LYPD6B: variants seen among roughly 807,000 people sequenced by gnomAD.
The protein encoded by LYPD6B is ly6/PLAUR domain-containing protein 6B.
A neutral mutation model predicts 22.8 loss-of-function variants in LYPD6B; 17 were observed. The ratio of observed to expected loss-of-function variants is 0.75; its 90% CI spans 0.51 to 1.12. LYPD6B has a LOEUF of 1.12. Ranked by LOEUF, LYPD6B falls within the 50% of genes most tolerant of loss-of-function variation. LYPD6B has a pLI of 0.00. For synonymous variants in LYPD6B, 106 were observed against 91.6 expected (o/e 1.16, Z -0.90); for missense variants, 221 against 258.3 (o/e 0.86, Z 0.99).
intron 1 of LYPD6B, among the ~76,000 whole-genome samples, chr2:149,093,516 G>A (rs1015233646): frequency 2.6e-5 from 4 of 152,134 alleles, no homozygotes; most frequent in Non-Finnish European, 4.4e-5. Context: ...TGATTTTTAC[G>A]TTTCTCTAAG....
At chr2:149,166,469 G>A (rs1021026429) in intron 3 of LYPD6B, among the ~76,000 whole-genome samples, 2 of 152,058 alleles carry the variant, frequency 1.3e-5, no homozygotes, top group African/African-American at 4.8e-5. Context: ...GAGGGGCATG[G>A]CACATTTAGG....
chr2:149,139,543 T>C (rs1365234236), intron 2 of LYPD6B, among the ~76,000 whole-genome samples: 2 of 152,200 alleles, frequency 1.3e-5, no homozygotes, highest in Non-Finnish European at 2.9e-5. Flanking sequence ...TGACAGATGC[T>C]AGCAAGGCAA....
chr2:149,156,852 A>G (rs1453283359), intron 2 of LYPD6B, among the ~76,000 whole-genome samples: 3 of 152,208 alleles, frequency 2.0e-5, no homozygotes, highest in Non-Finnish European at 4.4e-5. Context: ...GTTCAATTTC[A>G]TAACTGATAA....
chr2:149,161,924 A>G (rs1166329011), intron 3 of LYPD6B, among the ~76,000 whole-genome samples: 1 of 152,182 alleles, frequency 6.6e-6, no homozygotes, highest in Non-Finnish European at 1.5e-5. Flanking sequence ...AATAAGGCCC[A>G]AGACAACAAG....
chr2:149,058,403 A>G (rs893932236), intron 1 of LYPD6B, among the ~76,000 whole-genome samples: 11 of 152,230 alleles, frequency 7.2e-5, no homozygotes, highest in African/African-American at 2.7e-4. Flanking sequence ...TCAGTTGTCT[A>G]TAACTCTGCA....
chr2:149,208,007 A>G (rs1462848384), intron 4 of LYPD6B, among the ~76,000 whole-genome samples: 1 of 152,080 alleles, frequency 6.6e-6, no homozygotes, highest in Admixed American at 6.6e-5. Flanking sequence ...CTACCCCCTC[A>G]ACCCCTACTT....
chr2:149,141,863 T>C (rs2105773582), intron 2 of LYPD6B, among the ~76,000 whole-genome samples: 1 of 152,364 alleles, frequency 6.6e-6, no homozygotes, highest in African/African-American at 2.4e-5. Context: ...TTTCTTCTCC[T>C]CTTTCAAGCT....
chr2:149,047,198 G>C (rs1328183013), intron 1 of LYPD6B, among the ~76,000 whole-genome samples: 1 of 141,638 alleles, frequency 7.1e-6, no homozygotes, highest in South Asian at 2.2e-4. Flanking sequence ...GCAACGCCTG[G>C]ATAACTTAAT....
chr2:149,127,531 G>A (rs1687772232), intron 1 of LYPD6B, among the ~76,000 whole-genome samples: 1 of 152,162 alleles, frequency 6.6e-6, no homozygotes, highest in Non-Finnish European at 1.5e-5. Context: ...GGGCTACCCT[G>A]ACTTCTGTGT....
chr2:149,049,871 G>A lies in LYPD6B; in HGVS notation c.-67+11070G>A, dbSNP rs1338361629. Among the ~76,000 whole-genome samples, 3 of 152,154 alleles carry A rather than the reference G, an allele frequency of 2.0e-5. No individual in the cohort carries two copies. In the East Asian group the frequency reaches 5.8e-4, roughly 29 times the overall value. ...TATTTGGGGATGGGGAGGATTCAGAGGGAGGAAAAAGCTATGTTAGCAGTC... is the reference window on the plus strand; with the variant it reads ...TATTTGGGGATGGGGAGGATTCAGAAGGAGGAAAAAGCTATGTTAGCAGTC... On this transcript the variant is annotated intron_variant, in intron 1 of 6. Transcript: ENST00000409642.
At chr2:149,120,672 G>A (rs544138110) in intron 1 of LYPD6B, among the ~76,000 whole-genome samples, 25 of 150,304 alleles carry the variant, frequency 1.7e-4, no homozygotes, top group African/African-American at 5.9e-4. Context: ...CATGAGTCAC[G>A]GCGCCTGGCT....
intron 1 of LYPD6B, among the ~76,000 whole-genome samples, chr2:149,122,399 T>A (rs1006645318): frequency 7.3e-5 from 11 of 150,470 alleles, no homozygotes; most frequent in Middle Eastern, 3.4e-3. Flanking sequence ...TTCTTTTTTT[T>A]AAAAATTATT....
intron 1 of LYPD6B, among the ~76,000 whole-genome samples, chr2:149,041,098 C>CAAAAAAAA (rs552623435): frequency 1.8e-5 from 2 of 110,780 alleles, no homozygotes; most frequent in African/African-American, 3.8e-5. Context: ...GACTCCGTCT[C>CAAAAAAAA]AAAAAAAAAA....
intron 3 of LYPD6B, among the ~76,000 whole-genome samples, chr2:149,171,838 A>C (rs1025968140): frequency 6.6e-5 from 10 of 152,086 alleles, no homozygotes; most frequent in African/African-American, 2.2e-4. Context: ...TACAATAAAA[A>C]CCAATGATCT....
Position 149,098,643 on chromosome 2 carries a change from A to AAAAAAAAAAAGAAAG in LYPD6B, c.-66-32234_-66-32233insAAAAGAAAGAAAAAA, listed in dbSNP as rs57783804. On this transcript the variant is annotated intron_variant, in intron 1 of 6. Transcript: ENST00000409642. ...ACTCTGTCTCAAAAAAAAAAAAAAA[A>AAAAAAAAAAAGAAAG]AAAAAAGAAAAAAATGGCTTTGGTT... Among the ~76,000 whole-genome samples the AAAAAAAAAAAGAAAG allele has an allele frequency of 4.8e-3, 627 of 130,822 alleles. 33 individuals carry two copies. The highest frequency in any genetic ancestry group is 7.2e-3 in the Middle Eastern group (2 of 278). The allele number at this position is 130,822 out of a possible 152,430, so 85.8% of individuals were successfully genotyped here.
At chr2:149,074,268 G>GCACACA (rs60123351) in intron 1 of LYPD6B, among the ~76,000 whole-genome samples, 3,398 of 150,520 alleles carry the variant, frequency 0.023, 70 homozygotes, top group African/African-American at 0.051. Context: ...ACGCATGCAT[G>GCACACA]CACACACACA....
intron 1 of LYPD6B, among the ~76,000 whole-genome samples, chr2:149,129,234 A>G (rs899309960): frequency 2.6e-5 from 4 of 152,244 alleles, no homozygotes; most frequent in Admixed American, 2.0e-4. Context: ...GTCATCTCCT[A>G]TAGACTTTTA....
chr2:149,091,267 T>A (rs1357381415), intron 1 of LYPD6B, among the ~76,000 whole-genome samples: 1 of 151,700 alleles, frequency 6.6e-6, no homozygotes, highest in Non-Finnish European at 1.5e-5. Context: ...AGGACTTTAC[T>A]TTTGTCTTTA....
intron 2 of LYPD6B, among the ~76,000 whole-genome samples, chr2:149,155,768 G>T (rs1167411393): frequency 6.6e-6 from 1 of 152,172 alleles, no homozygotes. Flanking sequence ...CAGGCCTAAT[G>T]CCTGCCTATG....
Sources: allele counts gnomAD v4.1 joint callset (sites outside exome capture counted in the v4.1 genomes callset), GRCh38; gene constraint gnomAD v4.1.1; transcripts MANE v1.5; gene names NCBI Gene and HGNC (gene_info 2026-07-23, HGNC 2026-07-21).